Variants in SYN3 observed in about 807,000 individuals in gnomAD.
SYN3 encodes the protein synapsin-3.
SYN3 carries 35 observed loss-of-function variants against 65.8 expected under a neutral mutation model. That is an observed-to-expected ratio of 0.53 (90% CI 0.41 to 0.70). The LOEUF (loss-of-function observed/expected upper bound fraction) is 0.70. Ranked by LOEUF, SYN3 falls within the 30% of genes least tolerant of loss-of-function variation. The pLI is 0.00. For missense variants in SYN3, 680 were observed against 749.0 expected, an observed-to-expected ratio of 0.91 and a Z score of 1.08; for synonymous variants, 270 against 292.9, an observed-to-expected ratio of 0.92 and a Z score of 0.80.
chr22:32,640,493 A>G (rs1334343131), intron 6 of SYN3, among the ~76,000 whole-genome samples: 2 of 152,214 alleles, frequency 1.3e-5, no homozygotes, highest in Non-Finnish European at 2.9e-5. Flanking sequence ...TCCACTAAGA[A>G]GCTGCAGGAG....
intron 2 of SYN3, among the ~76,000 whole-genome samples, chr22:32,982,138 T>TATCCAA (rs1229721979): frequency 7.9e-5 from 12 of 152,240 alleles, no homozygotes; most frequent in African/African-American, 2.7e-4. Flanking sequence ...TGACGCCCAT[T>TATCCAA]ATCCAAATCT....
chr22:32,810,574 C>A (rs2046890176), intron 6 of SYN3, among the ~76,000 whole-genome samples: 1 of 152,108 alleles, frequency 6.6e-6, no homozygotes, highest in South Asian at 2.1e-4. Context: ...GCTGACCAAG[C>A]CTCCAAGAGC....
At position 32,552,115 on chromosome 22, in the gene SYN3, G is replaced by A. The variant is rs754518544; in HGVS notation, c.775-10402C>T. ...ACAAAAATTAGCTGAGAGTGGTGGC[G>A]GGCGCCTGTAATCCCAGCTACTTGG... On this transcript the variant is annotated intron_variant, in intron 7 of 13. Transcript: ENST00000358763. Among the ~76,000 whole-genome samples the A allele has an allele frequency of 3.2e-4, 49 of 152,158 alleles. 1 individual carries two copies. The highest frequency in any genetic ancestry group is 2.9e-3 in the Admixed American group (45 of 15,282).
intron 7 of SYN3, among the ~76,000 whole-genome samples, chr22:32,578,165 C>T (rs926496362): frequency 1.3e-5 from 2 of 151,858 alleles, no homozygotes; most frequent in African/African-American, 2.4e-5. Flanking sequence ...TTCTTTCTTT[C>T]CTTTTCTTTT....
At chr22:32,547,017 C>T (rs116372376) in intron 7 of SYN3, among the ~76,000 whole-genome samples, 2,292 of 152,126 alleles carry the variant, frequency 0.015, 62 homozygotes, top group African/African-American at 0.052. Flanking sequence ...CTCTCTCTGT[C>T]GCCTAAGCTG....
chr22:33,047,352 A>C (rs2054085567), intron 1 of SYN3, among the ~76,000 whole-genome samples: 1 of 152,222 alleles, frequency 6.6e-6, no homozygotes, highest in South Asian at 2.1e-4. Context: ...CCAAGAGACG[A>C]ACACTCAATA....
chr22:32,692,386 A>G (rs1374457170), intron 6 of SYN3, among the ~76,000 whole-genome samples: 1 of 152,170 alleles, frequency 6.6e-6, no homozygotes, highest in Non-Finnish European at 1.5e-5. Flanking sequence ...TGGAGCTCAG[A>G]GGATGGCCAG....
At chr22:32,645,905 TTGGGG>T (rs1280190403) in intron 6 of SYN3, among the ~76,000 whole-genome samples, 2 of 147,348 alleles carry the variant, frequency 1.4e-5, no homozygotes, top group African/African-American at 2.5e-5. Context: ...ATTTTGGGGG[TTGGGG>T]TGGGGTGGGG....
chr22:33,035,340 C>CT (rs796158115), intron 1 of SYN3, among the ~76,000 whole-genome samples: 4 of 107,498 alleles, frequency 3.7e-5, no homozygotes, highest in African/African-American at 1.4e-4. Context: ...ACCCCCCCCC[C>CT]CCCCGCCACC....
rs568848074 is a variant in SYN3 at position 32,992,551 on chromosome 22, G to A, written c.312-11849C>T. On this transcript the variant is annotated intron_variant, in intron 2 of 13. Coordinates refer to ENST00000358763, the MANE Select transcript of SYN3 (RefSeq NM_003490.4). ...ATCTCTGCCAGGCGTGGTGGCTCAC[G>A]CCTGTAATCCCAGCACTTTGGGAGG... Among the ~76,000 whole-genome samples the A allele has an allele frequency of 7.6e-4, 115 of 152,212 alleles. 2 individuals are homozygous for A. Among genetic ancestry groups the A allele is most frequent in the Non-Finnish European group, 1.3e-3 (91 of 68,026 alleles).
intron 2 of SYN3, among the ~76,000 whole-genome samples, chr22:32,990,336 CCATCCAT>C (rs1487312572): frequency 6.6e-6 from 1 of 151,144 alleles, no homozygotes; most frequent in African/African-American, 2.4e-5. Flanking sequence ...ATCCATCCAT[CCATCCAT>C]CCACCCATCC....
At chr22:32,985,472 C>T (rs1010941599) in intron 2 of SYN3, among the ~76,000 whole-genome samples, 6 of 152,086 alleles carry the variant, frequency 3.9e-5, no homozygotes, top group Non-Finnish European at 7.4e-5. Context: ...ACAGCCAGAC[C>T]CTTCACATCC....
At chr22:32,863,212 T>C (rs945067199) in intron 6 of SYN3, among the ~76,000 whole-genome samples, 1 of 152,184 alleles carries the variant, frequency 6.6e-6, no homozygotes, top group African/African-American at 2.4e-5. Context: ...AGAAGGAATC[T>C]TAGGAGAGGT....
intron 2 of SYN3, among the ~76,000 whole-genome samples, chr22:32,991,233 G>A (rs902666451): frequency 2.0e-5 from 3 of 151,324 alleles, no homozygotes; most frequent in African/African-American, 7.3e-5. Context: ...TACTACCGGG[G>A]AAGCTGAGGC....
At chr22:32,605,156 A>G (rs2059354411) in intron 6 of SYN3, among the ~76,000 whole-genome samples, 1 of 152,044 alleles carries the variant, frequency 6.6e-6, no homozygotes, top group Admixed American at 6.6e-5. Flanking sequence ...GCAGACAGTA[A>G]GCGCGTTTGT....
At chr22:32,956,041 CATATATATAT>C (rs5845054) in intron 3 of SYN3, among the ~76,000 whole-genome samples, 2 of 130,676 alleles carry the variant, frequency 1.5e-5, no homozygotes, top group African/African-American at 3.3e-5. Context: ...AATAAATTCA[CATATATATAT>C]ATATATATAT....
At chr22:32,633,633 T>C (rs1008076369) in intron 6 of SYN3, among the ~76,000 whole-genome samples, 5 of 152,102 alleles carry the variant, frequency 3.3e-5, no homozygotes, top group African/African-American at 1.2e-4. Context: ...AATCTTTTTT[T>C]AAATTTTGAG....
chr22:32,691,340 T>G lies in SYN3; in HGVS notation c.712-94604A>C, dbSNP rs1034917038. ...AGCAAGAGGCAGCTGGTCACCCTCT[T>G]GAGCTCCTGGTTAGTTGTAAGAGAG... On this transcript the variant is annotated intron_variant, in intron 6 of 13. Transcript: ENST00000358763. 7.2e-5 allele frequency among the ~76,000 whole-genome samples: 11 copies of G among 152,280 alleles called. No individual in the cohort carries two copies. In the East Asian group the frequency reaches 2.1e-3, roughly 29 times the overall value.
At chr22:32,793,161 T>C (rs2046358700) in intron 6 of SYN3, among the ~76,000 whole-genome samples, 1 of 152,194 alleles carries the variant, frequency 6.6e-6, no homozygotes, top group Admixed American at 6.5e-5. Context: ...CATTCCAAGG[T>C]TGACGAGTTG....
Sources: gnomAD v4.1 joint callset for allele counts (sites outside exome capture counted in the v4.1 genomes callset) on GRCh38, gnomAD v4.1.1 for gene constraint, MANE v1.5 for transcripts, NCBI Gene and HGNC (gene_info 2026-07-23, HGNC 2026-07-21) for gene names.